Variants in STK3 observed in about 807,000 individuals in gnomAD.
STK3 encodes the protein serine/threonine kinase 3, also known as serine/threonine-protein kinase 3.
In STK3, 41 loss-of-function variants were observed where a neutral mutation model predicts 58.0. That is an observed-to-expected ratio of 0.71 (90% confidence interval 0.55 to 0.92). The LOEUF is 0.92. Among genes scored for constraint, STK3 ranks in the 40% least tolerant of loss-of-function variants. The pLI is 0.00. For missense variants in STK3, 479 were observed against 602.7 expected (o/e 0.79, Z 2.15); for synonymous variants, 170 against 191.0 (o/e 0.89, Z 0.91).
chr8:98,938,917 C>A (rs1207097845), intron 1 of STK3, among the ~76,000 whole-genome samples: 2 of 151,978 alleles, frequency 1.3e-5, no homozygotes, highest in South Asian at 4.2e-4. Flanking sequence ...TGAGGTGCGA[C>A]ATTTCCGGAA....
intron 3 of STK3, among the ~76,000 whole-genome samples, chr8:98,839,132 A>G (rs1240858215): frequency 1.3e-5 from 2 of 151,804 alleles, no homozygotes; most frequent in Admixed American, 6.6e-5. Flanking sequence ...CTGCAGCCTC[A>G]AATTCCCAGG....
rs141840369 is a variant in STK3, at chr8:98,760,693, C to T, written c.236+6550G>A. Among the ~76,000 whole-genome samples, 1,025 of 150,764 alleles carry T rather than the reference C, an allele frequency of 6.8e-3. 8 individuals carry two copies. The highest frequency in any genetic ancestry group is 0.023 in the African/African-American group (960 of 41,132). The stretch of plus-strand genomic sequence containing the variant: ...TAACGCCTTCAATCCAATAAAATGA[C>T]GTATCTTGTTCTCGTTTTCTTTTTT... On this transcript the variant is annotated intron_variant, in intron 3 of 10. Coordinates refer to ENST00000419617, the MANE Select transcript of STK3 (RefSeq NM_006281.4).
the STK3 span, among the ~76,000 whole-genome samples, chr8:98,347,834 T>G: frequency 2.6e-5 from 4 of 152,200 alleles, no homozygotes; most frequent in Non-Finnish European, 5.9e-5. Context: ...TATTCGTTCT[T>G]TCCAGCTTGT....
upstream of STK3, among the ~76,000 whole-genome samples, chr8:98,390,439 AT>A (rs1817837892): frequency 6.6e-6 from 1 of 152,154 alleles, no homozygotes; most frequent in South Asian, 2.1e-4. Flanking sequence ...TTTTTCTCTA[AT>A]TATTTTCAAG....
chr8:98,648,327 G>A (rs1391279924), intron 6 of STK3, among the ~76,000 whole-genome samples: 1 of 152,120 alleles, frequency 6.6e-6, no homozygotes, highest in Non-Finnish European at 1.5e-5. Context: ...CATGTTACAA[G>A]GCCAAAATGT....
chr8:98,818,222 C>T (rs1275456284), intron 1 of STK3, among the ~76,000 whole-genome samples: 1 of 152,208 alleles, frequency 6.6e-6, no homozygotes, highest in Non-Finnish European at 1.5e-5. Flanking sequence ...CACCATCTTT[C>T]TCTACACACT....
chr8:98,867,991 CT>C (rs1235117964), intron 3 of STK3, among the ~76,000 whole-genome samples: 2 of 152,110 alleles, frequency 1.3e-5, no homozygotes, highest in African/African-American at 4.8e-5. Context: ...AGAATGATGC[CT>C]GTCTCTGAGC....
chr8:98,771,722 G>C (rs965141387), intron 2 of STK3, among the ~76,000 whole-genome samples: 2 of 151,908 alleles, frequency 1.3e-5, no homozygotes, highest in Admixed American at 1.3e-4. Context: ...ATGCCACCAC[G>C]CCCGGCTAAT....
intron 3 of STK3, among the ~76,000 whole-genome samples, chr8:98,838,673 A>C (rs925776667): frequency 3.3e-5 from 5 of 152,212 alleles, no homozygotes; most frequent in African/African-American, 1.2e-4. Flanking sequence ...AATTTTTACT[A>C]AAAATCTCAC....
At chr8:98,566,896 G>A (rs543268077) in intron 8 of STK3, among the ~76,000 whole-genome samples, 8 of 152,032 alleles carry the variant, frequency 5.3e-5, no homozygotes, top group Non-Finnish European at 8.8e-5. Context: ...AAAACTTTCC[G>A]CCATATCCTA....
chr8:98,801,033 C>T lies in STK3; in HGVS notation c.26+24482G>A, dbSNP rs189159119. Among the ~76,000 whole-genome samples, 1,024 of 152,338 alleles carry T rather than the reference C, an allele frequency of 6.7e-3. 7 individuals are homozygous for T. Among genetic ancestry groups the T allele is most frequent in the African/African-American group, 0.023 (958 of 41,578 alleles). ...TGGCCCTGGCATGGGATTCACTAGGCGAAGCCAGCTGGGTTCCTGTGTTGG... is the reference window on the plus strand; with the variant it reads ...TGGCCCTGGCATGGGATTCACTAGGTGAAGCCAGCTGGGTTCCTGTGTTGG... On this transcript the variant is annotated intron_variant, in intron 1 of 10. Coordinates refer to ENST00000419617, the MANE Select transcript of STK3 (RefSeq NM_006281.4).
chr8:98,621,868 G>C (rs975241873), intron 6 of STK3, among the ~76,000 whole-genome samples: 3 of 151,624 alleles, frequency 2.0e-5, no homozygotes, highest in African/African-American at 7.3e-5. Context: ...ATGGCCAGAT[G>C]ATACAGATTG....
intron 6 of STK3, among the ~76,000 whole-genome samples, chr8:98,654,378 T>C (rs1033310081): frequency 6.6e-4 from 101 of 152,248 alleles, no homozygotes; most frequent in Non-Finnish European, 1.3e-3. Context: ...GCCAATATCA[T>C]ACTGAATGGG....
chr8:98,351,456 A>G, the STK3 span, among the ~76,000 whole-genome samples: 1 of 152,218 alleles, frequency 6.6e-6, no homozygotes, highest in Non-Finnish European at 1.5e-5. Flanking sequence ...CTGTGTATGC[A>G]ATATGGGATA....
At chr8:98,410,251 C>A (rs1214976966) in intron 3 of STK3, among the ~76,000 whole-genome samples, 1 of 152,240 alleles carries the variant, frequency 6.6e-6, no homozygotes, top group East Asian at 1.9e-4. Context: ...AATGCACTCC[C>A]TCCCTCCCTA....
intron 3 of STK3, among the ~76,000 whole-genome samples, chr8:98,873,263 G>A (rs1432952444): frequency 6.6e-6 from 1 of 152,186 alleles, no homozygotes. Context: ...TTCCAACTAC[G>A]TGGTCAATTT....
At chr8:98,803,288 G>GTT (rs1833688778) in intron 1 of STK3, among the ~76,000 whole-genome samples, 1 of 152,016 alleles carries the variant, frequency 6.6e-6, no homozygotes, top group African/African-American at 2.4e-5. Flanking sequence ...ACTGGCCACG[G>GTT]CAATCAGAAA....
At chr8:98,452,757 A>ATT (rs11329886), downstream of STK3, among the ~76,000 whole-genome samples, 3 of 110,452 alleles carry the variant, frequency 2.7e-5, no homozygotes. Flanking sequence ...AGACTTGAAG[A>ATT]TTTTTTTTTT....
chr8:98,358,583 T>C, the STK3 span, among the ~76,000 whole-genome samples: 1 of 152,096 alleles, frequency 6.6e-6, no homozygotes, highest in Non-Finnish European at 1.5e-5. Flanking sequence ...TAAAATGCAT[T>C]ACAGTGATGA....
Sources: allele counts gnomAD v4.1 joint callset (sites outside exome capture counted in the v4.1 genomes callset), GRCh38; gene constraint gnomAD v4.1.1; transcripts MANE v1.5; gene names NCBI Gene and HGNC (gene_info 2026-07-23, HGNC 2026-07-21).